The following POLA1 variants were observed in gnomAD, a reference collection of about 807,000 sequenced individuals.
The protein encoded by POLA1 is DNA polymerase alpha catalytic subunit.
A neutral mutation model predicts 124.0 loss-of-function variants in POLA1; 15 were observed. That is an observed-to-expected ratio of 0.12 (90% confidence interval 0.08 to 0.19). The LOEUF is 0.19. POLA1 is among the 10% of genes least tolerant of loss of function. The probability of loss-of-function intolerance (pLI) is 1.00; values close to 1 mark genes in which losing one functional copy is unlikely to be tolerated. For synonymous variants in POLA1, 408 were observed against 389.4 expected, an observed-to-expected ratio of 1.05 and a Z score of -0.56; for missense variants, 886 against 1,103.4, an observed-to-expected ratio of 0.80 and a Z score of 2.79.
intron 35 of POLA1, among the ~76,000 whole-genome samples, chrX:24,893,206 G>T (rs1337807267): frequency 1.8e-5 from 2 of 111,537 alleles, no homozygotes; most frequent in Non-Finnish European, 3.8e-5. Context: ...GAGAACCTTA[G>T]AACTATGACC....
intron 36 of POLA1, among the ~76,000 whole-genome samples, chrX:24,957,776 A>T: frequency 1.8e-5 from 2 of 111,309 alleles, no homozygotes; most frequent in Middle Eastern, 4.6e-3. Flanking sequence ...GCCATTGAAG[A>T]TTTTAAGCAG....
chrX:24,947,597 A>G (rs1178071595), intron 36 of POLA1, among the ~76,000 whole-genome samples: 1 of 111,312 alleles, frequency 9.0e-6, no homozygotes, highest in African/African-American at 3.3e-5. Context: ...AGTGATTCAC[A>G]GTTTTAGCTC....
intron 35 of POLA1, among the ~76,000 whole-genome samples, chrX:24,923,124 CA>C (rs1333732012): frequency 9.0e-5 from 10 of 111,545 alleles, no homozygotes; most frequent in African/African-American, 2.6e-4. Context: ...CGTGTCTCCT[CA>C]GATGGAAATT....
chrX:24,909,349 T>A (rs976431097), intron 35 of POLA1, among the ~76,000 whole-genome samples: 1 of 112,332 alleles, frequency 8.9e-6, no homozygotes, highest in African/African-American at 3.2e-5. Context: ...GGTTTTCTTC[T>A]AGGGTTTTTA....
At chrX:24,748,726 G>A in intron 25 of POLA1, 144 bp from the exon 26 acceptor site, 7 of 631,691 alleles carry the variant, frequency 1.1e-5, no homozygotes, top group Non-Finnish European at 1.7e-5. Context: ...ATGGATCCAG[G>A]AGAATGGGTT....
At chrX:24,970,022 T>C (rs1264212856) in intron 36 of POLA1, among the ~76,000 whole-genome samples, 1 of 112,671 alleles carries the variant, frequency 8.9e-6, no homozygotes. Flanking sequence ...TATGGCTGCA[T>C]AGTATTCCAT....
At chrX:24,844,118 T>G (rs1260717130) in intron 34 of POLA1, among the ~76,000 whole-genome samples, 5 of 111,523 alleles carry the variant, frequency 4.5e-5, no homozygotes. Context: ...TACTTTGTGT[T>G]TATGTAGCAC....
At chrX:24,745,001 GT>G (rs376141653) in intron 23 of POLA1, among the ~76,000 whole-genome samples, 3 of 69,115 alleles carry the variant, frequency 4.3e-5, no homozygotes, top group African/African-American at 1.8e-4. Flanking sequence ...TTTATTTGGG[GT>G]GGGGGGTGGG....
At chrX:24,788,057 A>G (rs1266116889) in intron 26 of POLA1, among the ~76,000 whole-genome samples, 1 of 112,561 alleles carries the variant, frequency 8.9e-6, no homozygotes, top group Non-Finnish European at 1.9e-5. Flanking sequence ...GAATGTTTCA[A>G]CATATGCAAA....
At chrX:24,732,665 AT>A (rs1184066505) in intron 16 of POLA1, among the ~76,000 whole-genome samples, 21 of 67,310 alleles carry the variant, frequency 3.1e-4, no homozygotes, top group East Asian at 4.6e-4. Flanking sequence ...CAGCTGGTTC[AT>A]TTTTTTTTTT....
At chrX:24,900,469 G>C (rs1051516789) in intron 35 of POLA1, among the ~76,000 whole-genome samples, 2 of 111,931 alleles carry the variant, frequency 1.8e-5, no homozygotes, top group Non-Finnish European at 3.8e-5. Context: ...TGCAGGATAA[G>C]GGCAGAACAT....
At chrX:24,827,114 T>C (rs1359592609) in intron 32 of POLA1, among the ~76,000 whole-genome samples, 2 of 112,122 alleles carry the variant, frequency 1.8e-5, no homozygotes, top group Non-Finnish European at 3.8e-5. Context: ...CCCACTGTTA[T>C]CCTCTAGGAA....
chrX:24,792,967 A>C (rs16983225), intron 26 of POLA1, among the ~76,000 whole-genome samples: 4,047 of 111,094 alleles, frequency 0.036, 208 homozygotes, highest in African/African-American at 0.13. Flanking sequence ...CTCTTTAAAG[A>C]AAATTCACAG....
At chrX:24,942,936 A>G (rs1474572075) in intron 36 of POLA1, among the ~76,000 whole-genome samples, 1 of 111,998 alleles carries the variant, frequency 8.9e-6, no homozygotes, top group African/African-American at 3.2e-5. Flanking sequence ...GACTCCAGCA[A>G]TCCACCCGCC....
chrX:24,925,201 A>T (rs1248747856), intron 35 of POLA1, among the ~76,000 whole-genome samples: 1 of 111,984 alleles, frequency 8.9e-6, no homozygotes, highest in Non-Finnish European at 1.9e-5. Flanking sequence ...GTTTGGGGGT[A>T]CGTTTTGGGT....
At chrX:24,871,479 A>T (rs1215787890) in intron 34 of POLA1, among the ~76,000 whole-genome samples, 6 of 112,454 alleles carry the variant, frequency 5.3e-5, no homozygotes, top group African/African-American at 1.9e-4. Flanking sequence ...TCCTAACTTA[A>T]TGGTGGAGTA....
chrX:24,703,364 TG>T lies in POLA1; in HGVS notation c.265+22del. 2.2e-6 allele frequency: 2 copies of T among 902,222 alleles called. No individual in the cohort carries two copies. The highest frequency in any genetic ancestry group is 3.2e-6 in the Non-Finnish European group (2 of 628,912). The allele number at this position is 902,222 out of a possible 1,213,427, so 74.4% of individuals were successfully genotyped here. On this transcript the variant is annotated intron_variant, in intron 3 of 36. Transcript: ENST00000379068. ...TGGATGATGGTAGGTGGGGCGGAGG[TG>T]GGGGCGGGGATGTTGCTTCCTAGGC... is the stretch of plus-strand genomic sequence containing the variant.
intron 26 of POLA1, among the ~76,000 whole-genome samples, chrX:24,787,707 G>A (rs1475687394): frequency 1.8e-5 from 2 of 111,547 alleles, no homozygotes; most frequent in African/African-American, 6.5e-5. Context: ...CTTTTGTTGT[G>A]GTTCCATACA....
At chrX:24,813,255 T>G (rs959823836) in intron 29 of POLA1, among the ~76,000 whole-genome samples, 41 of 111,127 alleles carry the variant, frequency 3.7e-4, no homozygotes, top group African/African-American at 1.3e-3. Context: ...AGGGACATAA[T>G]TGTTAAGATT....
Sources: gnomAD v4.1 joint callset for allele counts (sites outside exome capture counted in the v4.1 genomes callset) on GRCh38, gnomAD v4.1.1 for gene constraint, MANE v1.5 for transcripts, NCBI Gene and HGNC (gene_info 2026-07-23, HGNC 2026-07-21) for gene names.